REDIC1: variants seen among roughly 807,000 people sequenced by gnomAD.
REDIC1 encodes regulator of DNA class I crossover intermediates 1.
chr12:39,655,397 C>G, the REDIC1 span, among the ~76,000 whole-genome samples: 1 of 152,094 alleles, frequency 6.6e-6, no homozygotes, highest in African/African-American at 2.4e-5. Context: ...AACAGCTAGA[C>G]CTAATAAGGC....
the REDIC1 span, among the ~76,000 whole-genome samples, chr12:39,693,105 G>A: frequency 2.0e-5 from 3 of 152,022 alleles, no homozygotes; most frequent in African/African-American, 7.2e-5. Flanking sequence ...TTTCTTTATG[G>A]AATGTGTCTT....
chr12:39,891,574 C>T, the REDIC1 span, among the ~76,000 whole-genome samples: 29 of 151,980 alleles, frequency 1.9e-4, no homozygotes, highest in African/African-American at 6.3e-4. Context: ...TTCCTGAGTT[C>T]GACAGTGAAG....
chr12:39,789,985 T>C, the REDIC1 span, among the ~76,000 whole-genome samples: 3 of 152,096 alleles, frequency 2.0e-5, no homozygotes, highest in African/African-American at 4.8e-5. Context: ...AATTTTCTAG[T>C]AGCCACATTC....
the REDIC1 span, among the ~76,000 whole-genome samples, chr12:39,696,098 T>C: frequency 6.6e-6 from 1 of 152,086 alleles, no homozygotes; most frequent in African/African-American, 2.4e-5. Flanking sequence ...CAAGTCCTTT[T>C]TGTATTCCTG....
the REDIC1 span, chr12:39,864,792 G>T: frequency 6.2e-7 from 1 of 1,613,920 alleles, no homozygotes; most frequent in African/African-American, 1.3e-5. Flanking sequence ...GTTCTGACCT[G>T]ACGGAGCTAT....
At chr12:39,702,486 G>C in the REDIC1 span, among the ~76,000 whole-genome samples, 5 of 152,130 alleles carry the variant, frequency 3.3e-5, no homozygotes, top group Admixed American at 3.3e-4. Flanking sequence ...TGGATTCACA[G>C]CTGAATTCTA....
the REDIC1 span, among the ~76,000 whole-genome samples, chr12:39,702,424 A>G: frequency 6.6e-6 from 1 of 152,242 alleles, no homozygotes; most frequent in Non-Finnish European, 1.5e-5. Flanking sequence ...ACAGGATCTG[A>G]AATTGTGGCA....
At chr12:39,778,735 C>T in the REDIC1 span, among the ~76,000 whole-genome samples, 1 of 152,064 alleles carries the variant, frequency 6.6e-6, no homozygotes, top group African/African-American at 2.4e-5. Context: ...ACATACATTG[C>T]CCCAGGTGTT....
At chr12:39,719,630 A>G in the REDIC1 span, among the ~76,000 whole-genome samples, 2 of 152,214 alleles carry the variant, frequency 1.3e-5, no homozygotes, top group Non-Finnish European at 2.9e-5. Flanking sequence ...ATAAAAAAAA[A>G]TCACCAATAA....
At chr12:39,888,797 A>G in the REDIC1 span, among the ~76,000 whole-genome samples, 1 of 151,210 alleles carries the variant, frequency 6.6e-6, no homozygotes, top group African/African-American at 2.5e-5. Context: ...AAATTTTATA[A>G]TATTATATTA....
the REDIC1 span, among the ~76,000 whole-genome samples, chr12:39,700,198 C>T: frequency 1.3e-5 from 2 of 151,936 alleles, no homozygotes; most frequent in Non-Finnish European, 2.9e-5. Flanking sequence ...TGAAAAAAAA[C>T]TTAGAAGAAT....
At chr12:39,636,610 A>G in the REDIC1 span, among the ~76,000 whole-genome samples, 1 of 152,080 alleles carries the variant, frequency 6.6e-6, no homozygotes, top group Non-Finnish European at 1.5e-5. Flanking sequence ...TTATTGGGCT[A>G]TTAATTTTCT....
the REDIC1 span, among the ~76,000 whole-genome samples, chr12:39,867,762 T>A: frequency 6.6e-6 from 1 of 152,194 alleles, no homozygotes. Context: ...GTGATGTTTC[T>A]CAATCCTGGC....
chr12:39,794,775 C>T, the REDIC1 span, among the ~76,000 whole-genome samples: 2 of 152,104 alleles, frequency 1.3e-5, no homozygotes, highest in East Asian at 1.9e-4. Context: ...GCTCAATTTG[C>T]GAATCATTCT....
At chr12:39,892,498 C>A in the REDIC1 span, among the ~76,000 whole-genome samples, 5 of 152,176 alleles carry the variant, frequency 3.3e-5, no homozygotes, top group Non-Finnish European at 7.4e-5. Context: ...TGACGCTTAA[C>A]CGAACTTTAG....
chr12:39,753,869 G>A, the REDIC1 span, among the ~76,000 whole-genome samples: 2 of 152,118 alleles, frequency 1.3e-5, no homozygotes, highest in South Asian at 2.1e-4. Context: ...GCAATGAGTG[G>A]TTCAGTAATT....
the REDIC1 span, among the ~76,000 whole-genome samples, chr12:39,789,540 T>C: frequency 1.6e-4 from 24 of 152,222 alleles, no homozygotes; most frequent in African/African-American, 5.5e-4. Context: ...TGTGCAAGGG[T>C]TTCTCTAATA....
the REDIC1 span, among the ~76,000 whole-genome samples, chr12:39,901,181 G>T: frequency 6.6e-6 from 1 of 151,922 alleles, no homozygotes; most frequent in African/African-American, 2.4e-5. Flanking sequence ...CTTATACAAA[G>T]AAATTAATTC....
At chr12:39,737,990 C>G in the REDIC1 span, among the ~76,000 whole-genome samples, 1 of 152,034 alleles carries the variant, frequency 6.6e-6, no homozygotes, top group African/African-American at 2.4e-5. Flanking sequence ...TTCAGTAACA[C>G]AGAGAATAAC....
Sources: gnomAD v4.1 joint callset for allele counts (sites outside exome capture counted in the v4.1 genomes callset) on GRCh38, gnomAD v4.1.1 for gene constraint, MANE v1.5 for transcripts, NCBI Gene and HGNC (gene_info 2026-07-23, HGNC 2026-07-21) for gene names.